Variants in ZSWIM4 observed in about 807,000 individuals in gnomAD.
ZSWIM4 encodes zinc finger SWIM domain-containing protein 4.
ZSWIM4 carries 62 observed loss-of-function variants against 102.5 expected under a neutral mutation model. The ratio of observed to expected loss-of-function variants is 0.60; its 90% CI spans 0.49 to 0.75. ZSWIM4 has a LOEUF of 0.75. Among genes scored for constraint, ZSWIM4 ranks in the 30% least tolerant of loss-of-function variants. The pLI is 0.00. For missense variants in ZSWIM4, 1,280 were observed against 1,529.6 expected (o/e 0.84, Z 2.72); for synonymous variants, 652 against 674.5 (o/e 0.97, Z 0.52).
chr19:13,795,916 C>G, intron 1 of ZSWIM4, 115 bp downstream of exon 1: 2 of 631,058 alleles, frequency 3.2e-6, no homozygotes, highest in African/African-American at 2.0e-5. Flanking sequence ...GAGACACCCC[C>G]TGAGATTCCA....
chr19:13,822,065 G>A (rs1025303846), intron 10 of ZSWIM4, among the ~76,000 whole-genome samples: 1 of 151,890 alleles, frequency 6.6e-6, no homozygotes, highest in East Asian at 1.9e-4. Flanking sequence ...GTAATGATGG[G>A]ATCTCATTAC....
intron 12 of ZSWIM4, among the ~76,000 whole-genome samples, chr19:13,828,424 A>AC (rs768623432): frequency 2.0e-5 from 3 of 152,116 alleles, no homozygotes; most frequent in Admixed American, 1.3e-4. Flanking sequence ...AAACAAAACA[A>AC]AACAACAACA....
chr19:13,818,802 G>C (rs972340237), intron 9 of ZSWIM4, among the ~76,000 whole-genome samples: 7 of 150,036 alleles, frequency 4.7e-5, no homozygotes, highest in African/African-American at 1.7e-4. Context: ...GACCTCAAGT[G>C]ATCTGCCCGC....
At position 13,809,189 on chromosome 19, in the gene ZSWIM4, G is replaced by A. The variant is rs200061066; in HGVS notation, c.981G>A (p.Thr327=). The change falls in exon 5 of 14, where the codon ACG becomes ACA. Residue 327 remains threonine (T), a synonymous_variant. Transcript: ENST00000590508. This position sits in a 1 kb window ranked among gnomAD's most constrained non-coding sequence, Gnocchi z 4.2. ...GGCGGCAGCAGGGCGCGGGCATGAC[G>A]GACAAGTGCCGGCAGCTCTGGGATG... The part of the protein sequence containing the change: ...ALWRQQGAGM[T]DKCRQLWDEL... 83 of 1,611,064 alleles carry A rather than the reference G, an allele frequency of 5.2e-5. No homozygotes were observed. In the East Asian group the frequency reaches 1.7e-3, roughly 32 times the overall value.
chr19:13,822,871 C>T (rs374071672), intron 10 of ZSWIM4, among the ~76,000 whole-genome samples: 31 of 151,870 alleles, frequency 2.0e-4, no homozygotes, highest in Admixed American at 9.2e-4. Context: ...CCCAGCTACT[C>T]GGGAGGCTGA....
At chr19:13,805,269 C>T (rs1252302671) in intron 3 of ZSWIM4, 121 bp downstream of exon 3, 9 of 862,566 alleles carry the variant, frequency 1.0e-5, no homozygotes, top group African/African-American at 3.3e-5. Context: ...GGGCGGAAAA[C>T]GCGCCATGGC....
intron 3 of ZSWIM4, 23 bp from the exon 4 acceptor site, chr19:13,808,813 T>C (rs1477565014): frequency 6.4e-7 from 1 of 1,573,664 alleles, no homozygotes; most frequent in Admixed American, 1.8e-5. Flanking sequence ...CAGCCTCAGC[T>C]TCCTTTCCCT....
chr19:13,811,650 A>G (rs1568334065), intron 5 of ZSWIM4, among the ~76,000 whole-genome samples: 1 of 152,198 alleles, frequency 6.6e-6, no homozygotes, highest in Non-Finnish European at 1.5e-5. Context: ...CTTAGACGAC[A>G]TGATGAGACC....
At chr19:13,807,759 ATGGAT>A (rs1311337982) in intron 3 of ZSWIM4, among the ~76,000 whole-genome samples, 1 of 69,678 alleles carries the variant, frequency 1.4e-5, no homozygotes, top group East Asian at 3.3e-4. Context: ...GGATGCATGG[ATGGAT>A]GGATGGATGG....
rs1974584861 is a variant in ZSWIM4 at position 13,795,513 on chromosome 19, AGGGGTCCC to A, written c.-131_-124del. On this transcript the variant is annotated 5_prime_UTR_variant, in exon 1 of 14. Coordinates refer to ENST00000590508, the MANE Select transcript of ZSWIM4 (RefSeq NM_001367834.3). ...GGCGCGGGTCGGGGGTGGGTGCGGT[AGGGGTCCC>A]GGGGCGGCCGAGCGCAGAGGACGGA... The A allele has an allele frequency of 4.8e-6, 1 of 208,668 alleles. No homozygotes were observed. The highest frequency in any genetic ancestry group is 2.3e-5 in the African/African-American group (1 of 42,598). 12.9% of individuals were successfully genotyped at this position (208,668 alleles called of 1,614,324 possible).
Position 13,804,958 on chromosome 19 carries a change from C to T in ZSWIM4, c.522C>T (p.Tyr174=), listed in dbSNP as rs753506011. The change falls in exon 3 of 14, where the codon TAC becomes TAT. Residue 174 remains tyrosine, a synonymous_variant. Transcript: ENST00000590508. ...CCCACGTGGTGGCCCTGTCCCTGTA[C>T]CGCATTCGGCACGCCCACCAGGTGG... is the stretch of plus-strand genomic sequence containing the variant. ...YCAHVVALSL[Y]RIRHAHQVEL... is the part of the protein sequence containing the mutation. 19 of 1,613,296 alleles carry T rather than the reference C, an allele frequency of 1.2e-5. No homozygotes were observed. The highest frequency in any genetic ancestry group is 1.6e-5 in the Non-Finnish European group (19 of 1,180,028).
intron 2 of ZSWIM4, among the ~76,000 whole-genome samples, chr19:13,804,331 A>ATGG (rs74181838): frequency 0.48 from 71,965 of 151,104 alleles, 20,459 homozygotes; most frequent in African/African-American, 0.81. Flanking sequence ...TTAGCCGGGC[A>ATGG]TGGTGGCGCA....
chr19:13,806,228 G>A (rs2145278951), intron 3 of ZSWIM4, among the ~76,000 whole-genome samples: 1 of 151,562 alleles, frequency 6.6e-6, no homozygotes, highest in East Asian at 2.1e-4. Context: ...TTTTTGTAGA[G>A]ACAGGGGTTT....
At chr19:13,805,228 T>G in intron 3 of ZSWIM4, 80 bp downstream of exon 3, 1 of 1,298,240 alleles carries the variant, frequency 7.7e-7, no homozygotes, top group Non-Finnish European at 1.1e-6. Flanking sequence ...CCAGTGCTGG[T>G]CACTTACTGA....
At position 13,795,809 on chromosome 19, in the gene ZSWIM4, C is replaced by A; in HGVS notation, c.153+8C>A. ...AGCTGGGCCTTCGAGCAGGTGACCG[C>A]GGGGGAAGGGGGCGGGGGCAGGGAC... On this transcript the variant is annotated splice_region_variant and intron_variant, in intron 1 of 13. Coordinates refer to ENST00000590508, the MANE Select transcript of ZSWIM4 (RefSeq NM_001367834.3). 1 of 1,247,084 alleles carries A rather than the reference C, an allele frequency of 8.0e-7. No individual in the cohort carries two copies. The highest frequency in any genetic ancestry group is 3.0e-5 in the East Asian group (1 of 33,374). The allele number at this position is 1,247,084 out of a possible 1,614,324, so 77.3% of individuals were successfully genotyped here. A position where few individuals can be genotyped will look rare whatever the true frequency, so the allele number is the denominator to read the frequency against.
intron 8 of ZSWIM4, 133 bp from the exon 9 acceptor site, chr19:13,817,589 C>T (rs772347330): frequency 7.4e-6 from 9 of 1,209,410 alleles, no homozygotes; most frequent in East Asian, 2.5e-5. Context: ...CCCCCAACCC[C>T]GTGAGTGCTG....
At chr19:13,815,728 C>T (rs773222619) in intron 7 of ZSWIM4, among the ~76,000 whole-genome samples, 9 of 151,550 alleles carry the variant, frequency 5.9e-5, no homozygotes, top group Non-Finnish European at 1.3e-4. Flanking sequence ...CCTCAGCCTC[C>T]CAAAGTGCTG....
chr19:13,810,104 C>T (rs1259099073), intron 5 of ZSWIM4, among the ~76,000 whole-genome samples: 1 of 151,218 alleles, frequency 6.6e-6, no homozygotes, highest in Non-Finnish European at 1.5e-5. Context: ...ACACCATTCT[C>T]CTGCCTCAGC....
rs573229663 is a variant in ZSWIM4, at chr19:13,804,410, C to T, written c.356-382C>T. On this transcript the variant is annotated intron_variant, in intron 2 of 13. Coordinates refer to ENST00000590508, the MANE Select transcript of ZSWIM4 (RefSeq NM_001367834.3). ...ACTTGAACCTGGGAGGTGGAGGTTG[C>T]GGTGAGCCGAGATCACACCATTGCA... is the stretch of plus-strand genomic sequence containing the variant. Among the ~76,000 whole-genome samples the T allele has an allele frequency of 3.3e-5, 5 of 151,926 alleles. No homozygotes were observed. In the East Asian group the frequency reaches 5.9e-4, roughly 18 times the overall value.
Sources: allele counts gnomAD v4.1 joint callset (sites outside exome capture counted in the v4.1 genomes callset), GRCh38; gene constraint gnomAD v4.1.1; non-coding constraint Gnocchi (gnomAD v3.1); transcripts MANE v1.5; gene names NCBI Gene and HGNC (gene_info 2026-07-23, HGNC 2026-07-21).